SLC25A42: variants seen among roughly 807,000 people sequenced by gnomAD.
The protein encoded by SLC25A42 is solute carrier family 25 member 42, also known as mitochondrial coenzyme A transporter SLC25A42.
A neutral mutation model predicts 34.7 loss-of-function variants in SLC25A42; 19 were observed. The observed-to-expected ratio is 0.55, with a 90% confidence interval of 0.38 to 0.80. SLC25A42 has a LOEUF of 0.80. Ranked by LOEUF, SLC25A42 falls within the 30% of genes least tolerant of loss-of-function variation. The probability of loss-of-function intolerance (pLI) is 0.00; values close to 1 mark genes in which losing one functional copy is unlikely to be tolerated. For synonymous variants in SLC25A42, 205 were observed against 191.2 expected (o/e 1.07, Z -0.59); for missense variants, 364 against 441.3 (o/e 0.82, Z 1.57).
At position 19,096,103 on chromosome 19, in the gene SLC25A42, T is replaced by C; in HGVS notation, c.-22T>C. On this transcript the variant is annotated 5_prime_UTR_variant, in exon 2 of 8. Coordinates refer to ENST00000318596, the MANE Select transcript of SLC25A42 (RefSeq NM_178526.5). ...CTTACCCCCCCAGGACCGAGTCTCC[T>C]GCCATTCCGAGCAGGCCTGGTATGG... 1 of 1,611,416 alleles carries C rather than the reference T, an allele frequency of 6.2e-7. No individual in the cohort carries two copies. Among genetic ancestry groups the C allele is most frequent in the Non-Finnish European group, 8.5e-7 (1 of 1,177,718 alleles).
chr19:19,073,919 G>T (rs1336406638), intron 1 of SLC25A42, among the ~76,000 whole-genome samples: 2 of 152,154 alleles, frequency 1.3e-5, no homozygotes, highest in African/African-American at 4.8e-5. Context: ...TGTTGCCCAG[G>T]CTGGTCTTGA....
intron 3 of SLC25A42, among the ~76,000 whole-genome samples, chr19:19,104,047 CAG>C (rs2059812814): frequency 1.3e-5 from 2 of 152,154 alleles, no homozygotes; most frequent in African/African-American, 4.8e-5. Context: ...GCTGGGATTG[CAG>C]GAGTCTGCCA....
rs1356610610 is a variant in SLC25A42, at chr19:19,110,638, G to T, written c.719G>T (p.Gly240Val). 1 of 1,542,156 alleles carries T rather than the reference G, an allele frequency of 6.5e-7. No homozygotes were observed. Among genetic ancestry groups the T allele is most frequent in the Non-Finnish European group, 8.7e-7 (1 of 1,145,148 alleles). The change falls in exon 8 of 8, where the codon GGG becomes GTG. Residue 240 changes from glycine to valine, a missense_variant. Transcript: ENST00000318596. ...MIFGACAGLI[G>V]QSASYPLDVV... ...TTCGGCGCCTGCGCTGGCCTCATCG[G>T]GCAGTCGGCCTCGTACCCGCTGGAT...
chr19:19,100,096 C>T (rs1248230054), intron 2 of SLC25A42, among the ~76,000 whole-genome samples: 1 of 151,848 alleles, frequency 6.6e-6, no homozygotes, highest in African/African-American at 2.4e-5. Context: ...AATCCCAGCA[C>T]TTCAGAAGGC....
intron 1 of SLC25A42, among the ~76,000 whole-genome samples, chr19:19,089,276 C>T (rs553144211): frequency 1.3e-5 from 2 of 152,176 alleles, no homozygotes; most frequent in East Asian, 3.9e-4. Flanking sequence ...GCCTATAATC[C>T]CAGTACTTTG....
chr19:19,087,578 G>A (rs901192007), intron 1 of SLC25A42, among the ~76,000 whole-genome samples: 1 of 152,164 alleles, frequency 6.6e-6, no homozygotes, highest in Non-Finnish European at 1.5e-5. Context: ...GTGAGCCACC[G>A]TGCCCAGCTG....
intron 1 of SLC25A42, among the ~76,000 whole-genome samples, chr19:19,064,316 T>C (rs2145891452): frequency 6.6e-6 from 1 of 151,626 alleles, no homozygotes; most frequent in East Asian, 1.9e-4. Context: ...TCCCTTTTCG[T>C]TGACATCCCC....
rs2059680410 is a variant in SLC25A42 at position 19,081,268 on chromosome 19, C to T, written c.-34-14823C>T. 6.6e-6 allele frequency among the ~76,000 whole-genome samples: 1 copy of T among 152,084 alleles called. No individual in the cohort carries two copies. Among genetic ancestry groups the T allele is most frequent in the African/African-American group, 2.4e-5 (1 of 41,394 alleles). On this transcript the variant is annotated intron_variant, in intron 1 of 7. Coordinates refer to ENST00000318596, the MANE Select transcript of SLC25A42 (RefSeq NM_178526.5). This position sits in a 1 kb window ranked among gnomAD's most constrained non-coding sequence, Gnocchi z 4.5. The stretch of plus-strand genomic sequence containing the variant: ...TCCCAAGTGGCCCCAGGGTGACTTT[C>T]CAGCACTGGACCCATAAGGAACCAC...
chr19:19,089,488 A>G (rs2059726157), intron 1 of SLC25A42, among the ~76,000 whole-genome samples: 1 of 151,702 alleles, frequency 6.6e-6, no homozygotes, highest in Non-Finnish European at 1.5e-5. Context: ...AGATCGCAGC[A>G]GTGCACTCCA....
In SLC25A42 at chr19:19,110,612, C is replaced by T; in HGVS notation, c.693C>T (p.Ile231=). 6.7e-7 allele frequency: 1 copy of T among 1,502,304 alleles called. No individual in the cohort carries two copies. Among genetic ancestry groups the T allele is most frequent in the Non-Finnish European group, 8.9e-7 (1 of 1,129,200 alleles). The allele number at this position is 1,502,304 out of a possible 1,614,324, so 93.1% of individuals were successfully genotyped here. A position where few individuals can be genotyped will look rare whatever the true frequency, so the allele number is the denominator to read the frequency against. Residue 231 remains isoleucine (I), a synonymous_variant, in exon 8 of 8, where the codon ATC becomes ATT. Transcript: ENST00000318596. Reference sequence around the variant, plus strand: ...AGCCCTACCCCTTCGAGCGCATGATCTTCGGCGCCTGCGCTGGCCTCATCG... The same window carrying T: ...AGCCCTACCCCTTCGAGCGCATGATTTTCGGCGCCTGCGCTGGCCTCATCG... ...RRQPYPFERM[I]FGACAGLIGQ...
chr19:19,102,799 C>G (rs1233186105), intron 3 of SLC25A42, among the ~76,000 whole-genome samples: 1 of 151,998 alleles, frequency 6.6e-6, no homozygotes, highest in Admixed American at 6.6e-5. Flanking sequence ...CACTTCGAAT[C>G]TGTACGAGTT....
At chr19:19,104,403 T>C (rs2059814784) in intron 3 of SLC25A42, among the ~76,000 whole-genome samples, 2 of 152,214 alleles carry the variant, frequency 1.3e-5, no homozygotes, top group Non-Finnish European at 2.9e-5. Context: ...CCTGTTTTTC[T>C]GGGTCTCTCC....
At chr19:19,096,281 C>A in intron 2 of SLC25A42, 76 bp downstream of exon 2, 3 of 1,144,282 alleles carry the variant, frequency 2.6e-6, no homozygotes, top group Non-Finnish European at 3.8e-6. Context: ...AGGCTCCCTG[C>A]CTCCTCCTCC....
intron 3 of SLC25A42, among the ~76,000 whole-genome samples, chr19:19,103,994 C>A (rs2059812438): frequency 6.6e-6 from 1 of 152,064 alleles, no homozygotes; most frequent in African/African-American, 2.4e-5. Context: ...ACAACCTCCA[C>A]CTCCTGGATT....
chr19:19,080,416 C>T (rs1040143828), intron 1 of SLC25A42, among the ~76,000 whole-genome samples: 1 of 152,088 alleles, frequency 6.6e-6, no homozygotes, highest in African/African-American at 2.4e-5. Flanking sequence ...GGGAGGGGCT[C>T]TCACCCAGAA....
At chr19:19,075,912 CAA>C (rs1188502730) in intron 1 of SLC25A42, among the ~76,000 whole-genome samples, 2 of 152,192 alleles carry the variant, frequency 1.3e-5, no homozygotes, top group Non-Finnish European at 2.9e-5. Flanking sequence ...ATGGTTCCCT[CAA>C]AAGTCCCAGA....
At position 19,090,819 on chromosome 19, in the gene SLC25A42, C is replaced by T. The variant is rs569379095; in HGVS notation, c.-34-5272C>T. ...TCCCACCTGAGGGTCTCATGACCTG[C>T]TTCTGGGGAGAAGGGAAAAGAAACA... On this transcript the variant is annotated intron_variant, in intron 1 of 7. Transcript: ENST00000318596. Among the ~76,000 whole-genome samples the T allele has an allele frequency of 2.6e-5, 4 of 152,304 alleles. No homozygotes were observed. In the South Asian group the frequency reaches 8.3e-4, roughly 32 times the overall value.
rs568414664 is a variant in SLC25A42 at position 19,107,930 on chromosome 19, G to T, written c.534G>T (p.Ser178=). The T allele has an allele frequency of 4.6e-5, 75 of 1,613,978 alleles. No homozygotes were observed. Among genetic ancestry groups the T allele is most frequent in the Non-Finnish European group, 6.0e-5 (71 of 1,180,012 alleles). The change falls in exon 7 of 8, where the codon TCG becomes TCT. Residue 178 remains serine (S), a synonymous_variant. Transcript: ENST00000318596. ...SNIFHVFIRI[S]REEGLKTLYH... ...TCTTTCATGTCTTCATCCGCATCTC[G>T]AGAGAAGAGGGGCTGAAGACTCTCT...
Position 19,110,708 on chromosome 19 carries a change from G to A in SLC25A42, c.789G>A (p.Pro263=), listed in dbSNP as rs1185248814. 2 of 1,596,754 alleles carry A rather than the reference G, an allele frequency of 1.3e-6. No individual in the cohort carries two copies. The highest frequency in any genetic ancestry group is 1.7e-6 in the Non-Finnish European group (2 of 1,172,652). ...RMQTAGVTGY[P]RASIARTLRT... is the part of the protein sequence containing the mutation. ...AGACGGCCGGCGTCACGGGCTACCCGCGCGCCTCCATCGCCCGCACGCTGC... is the reference window on the plus strand; with the variant it reads ...AGACGGCCGGCGTCACGGGCTACCCACGCGCCTCCATCGCCCGCACGCTGC... Residue 263 remains proline (P), a synonymous_variant, in exon 8 of 8, where the codon CCG becomes CCA. Coordinates refer to ENST00000318596, the MANE Select transcript of SLC25A42 (RefSeq NM_178526.5).
Sources: gnomAD v4.1 joint callset for allele counts (sites outside exome capture counted in the v4.1 genomes callset) on GRCh38, gnomAD v4.1.1 for gene constraint, Gnocchi (gnomAD v3.1) non-coding constraint, MANE v1.5 for transcripts, NCBI Gene and HGNC (gene_info 2026-07-23, HGNC 2026-07-21) for gene names.